Variants in ELAVL2 observed in about 807,000 individuals in gnomAD.
The protein encoded by ELAVL2 is ELAV like RNA binding protein 2.
ELAVL2 carries 4 observed loss-of-function variants against 34.6 expected under a neutral mutation model. The observed-to-expected ratio is 0.12, with a 90% CI of 0.06 to 0.26. ELAVL2 has a LOEUF of 0.26. ELAVL2 is among the 10% of genes least tolerant of loss of function. The probability of loss-of-function intolerance (pLI) is 1.00; values close to 1 mark genes in which losing one functional copy is unlikely to be tolerated. For synonymous variants in ELAVL2, 193 were observed against 154.8 expected, an observed-to-expected ratio of 1.25 and a Z score of -1.83; for missense variants, 432 against 442.8, an observed-to-expected ratio of 0.98 and a Z score of 0.22.
intron 1 of ELAVL2, among the ~76,000 whole-genome samples, chr9:23,808,069 A>T (rs950074399): frequency 6.6e-6 from 1 of 152,164 alleles, no homozygotes; most frequent in African/African-American, 2.4e-5. Flanking sequence ...AAAGTTCACC[A>T]TCAATTTATC....
rs535343167 is a variant in ELAVL2, at chr9:23,802,299, G to A, written c.-16+23507C>T. ...GCGCTATAAAAAATACATTAATAAT[G>A]TTAGTGCTACAAGGGACTTCCAAAC... On this transcript the variant is annotated intron_variant, in intron 1 of 6. Transcript: ENST00000397312. Among the ~76,000 whole-genome samples, 5 of 152,268 alleles carry A rather than the reference G, an allele frequency of 3.3e-5. No individual in the cohort carries two copies. In the South Asian group the frequency reaches 6.2e-4, roughly 19 times the overall value.
intron 1 of ELAVL2, among the ~76,000 whole-genome samples, chr9:23,808,487 A>C (rs1362649196): frequency 3.3e-5 from 5 of 152,164 alleles, no homozygotes; most frequent in African/African-American, 7.2e-5. Context: ...AATTGCTTTT[A>C]AAGTACTGGG....
intron 4 of ELAVL2, 47 bp from the exon 5 acceptor site, chr9:23,701,651 G>A (rs747513350): frequency 3.2e-6 from 5 of 1,582,882 alleles, no homozygotes; most frequent in African/African-American, 2.7e-5. Flanking sequence ...AACAGAAGGA[G>A]AAGGGAAGGA....
upstream of ELAVL2, chr9:23,826,313 T>C (rs1288887444): frequency 6.6e-6 from 1 of 152,380 alleles, no homozygotes; most frequent in African/African-American, 2.4e-5. Context: ...CGCACTGCCG[T>C]GTGTGCAGCT....
At chr9:23,814,655 T>C (rs559653210) in intron 1 of ELAVL2, among the ~76,000 whole-genome samples, 3 of 152,224 alleles carry the variant, frequency 2.0e-5, no homozygotes, top group Admixed American at 1.3e-4. Flanking sequence ...TAAACTCAAA[T>C]AGAAATAGGC....
At chr9:23,698,673 C>G (rs376288992) in intron 5 of ELAVL2, among the ~76,000 whole-genome samples, 1 of 147,092 alleles carries the variant, frequency 6.8e-6, no homozygotes, top group African/African-American at 2.5e-5. Flanking sequence ...GATTTAGACT[C>G]GAACTACAGA....
At chr9:23,842,392 C>T in the ELAVL2 span, among the ~76,000 whole-genome samples, 1 of 152,054 alleles carries the variant, frequency 6.6e-6, no homozygotes, top group African/African-American at 2.4e-5. Context: ...AACTCAGAGC[C>T]ACTGTTGCCC....
At chr9:23,779,504 T>A in intron 1 of ELAVL2, 1 of 660,766 alleles carries the variant, frequency 1.5e-6, no homozygotes, top group Non-Finnish European at 1.9e-6. Flanking sequence ...CAGAAACTAA[T>A]GCATTCTTCC....
chr9:23,747,436 G>A (rs894565485), intron 2 of ELAVL2, among the ~76,000 whole-genome samples: 4 of 152,164 alleles, frequency 2.6e-5, no homozygotes, highest in African/African-American at 9.6e-5. Flanking sequence ...GGTATTTCAT[G>A]GCACAGGCTC....
intron 1 of ELAVL2, 57 bp downstream of exon 1, chr9:23,825,749 T>C (rs1037766921): frequency 6.6e-5 from 10 of 152,264 alleles, no homozygotes; most frequent in African/African-American, 2.4e-4. Context: ...ACAGGTTTTC[T>C]GGGTTTGCCA....
chr9:23,802,021 G>A (rs1025570424), intron 1 of ELAVL2, among the ~76,000 whole-genome samples: 14 of 152,132 alleles, frequency 9.2e-5, no homozygotes, highest in African/African-American at 2.7e-4. Context: ...TATCTGTTTC[G>A]TTTTGTTTTT....
intron 3 of ELAVL2, among the ~76,000 whole-genome samples, chr9:23,729,798 A>G (rs1312172967): frequency 1.3e-5 from 2 of 152,090 alleles, no homozygotes; most frequent in Non-Finnish European, 2.9e-5. Context: ...AAAACCACTC[A>G]GGGCTAATAA....
At chr9:23,711,204 T>TA (rs1218359474) in intron 3 of ELAVL2, among the ~76,000 whole-genome samples, 1 of 152,184 alleles carries the variant, frequency 6.6e-6, no homozygotes, top group African/African-American at 2.4e-5. Context: ...TAAAAGGTAT[T>TA]AAAGGTTAGG....
chr9:23,701,603 G>A lies in ELAVL2; in HGVS notation c.489C>T (p.Gly163=), dbSNP rs773876308. 6.2e-7 allele frequency: 1 copy of A among 1,612,938 alleles called. No individual in the cohort carries two copies. The highest frequency in any genetic ancestry group is 8.5e-7 in the Non-Finnish European group (1 of 1,179,098). Residue 163 remains glycine (G), a splice_region_variant and synonymous_variant, in exon 5 of 7, where the codon GGC becomes GGT. Transcript: ENST00000397312. ...TSRILVDQVT[G]ISRGVGFIRF... ...GAATAAACCCTACACCCCTTGATAT[G>A]CCTATGGTAGATTTGAGTAAAGATT...
chr9:23,695,772 A>G (rs1394915297), intron 5 of ELAVL2, among the ~76,000 whole-genome samples: 2 of 152,212 alleles, frequency 1.3e-5, no homozygotes, highest in Non-Finnish European at 2.9e-5. Context: ...CAATATTAGG[A>G]TGACTATGAT....
intron 1 of ELAVL2, among the ~76,000 whole-genome samples, chr9:23,822,274 G>A (rs2064908444): frequency 6.6e-6 from 1 of 152,062 alleles, no homozygotes; most frequent in South Asian, 2.1e-4. Flanking sequence ...AAGGGGTCCT[G>A]TCCCTGGACA....
chr9:23,807,978 A>G (rs2137944741), intron 1 of ELAVL2, among the ~76,000 whole-genome samples: 1 of 152,292 alleles, frequency 6.6e-6, no homozygotes, highest in African/African-American at 2.4e-5. Flanking sequence ...AGAACATTAA[A>G]ATCGGTTTCT....
intron 1 of ELAVL2, chr9:23,783,435 C>T (rs535051408): frequency 2.0e-6 from 2 of 985,254 alleles, no homozygotes; most frequent in East Asian, 1.1e-4. Context: ...AAAACTGGTA[C>T]AATTCTGCAC....
chr9:23,756,413 T>A (rs539998189), intron 2 of ELAVL2, among the ~76,000 whole-genome samples: 3 of 152,152 alleles, frequency 2.0e-5, no homozygotes, highest in African/African-American at 7.2e-5. Flanking sequence ...GTACAAGACC[T>A]ACCTCAAACA....
Sources: gnomAD v4.1 joint callset for allele counts (sites outside exome capture counted in the v4.1 genomes callset) on GRCh38, gnomAD v4.1.1 for gene constraint, MANE v1.5 for transcripts, NCBI Gene and HGNC (gene_info 2026-07-23, HGNC 2026-07-21) for gene names.